RGS6: variants seen among roughly 807,000 people sequenced by gnomAD.
RGS6 encodes regulator of G protein signaling 6.
In RGS6, 30 loss-of-function variants were observed where a neutral mutation model predicts 78.5. The ratio of observed to expected loss-of-function variants is 0.38; its 90% CI spans 0.29 to 0.52. The LOEUF is 0.52. Among genes scored for constraint, RGS6 ranks in the 20% least tolerant of loss-of-function variants. The pLI, the probability that RGS6 is intolerant of heterozygous loss-of-function variation, is 0.85. For missense variants in RGS6, 495 were observed against 609.7 expected (o/e 0.81, Z 1.98); for synonymous variants, 206 against 206.0 (o/e 1.00, Z 0.00).
At chr14:71,951,142 T>A (rs1259646686) in intron 1 of RGS6, among the ~76,000 whole-genome samples, 1 of 152,074 alleles carries the variant, frequency 6.6e-6, no homozygotes, top group African/African-American at 2.4e-5. Flanking sequence ...TGATAGCAAA[T>A]ACATGGAATC....
At chr14:71,942,619 G>A (rs552355643) in intron 1 of RGS6, among the ~76,000 whole-genome samples, 1 of 152,182 alleles carries the variant, frequency 6.6e-6, no homozygotes, top group African/African-American at 2.4e-5. Flanking sequence ...ATACCAAAGG[G>A]TGTTGTTCTT....
At chr14:72,013,132 G>T (rs901747895) in intron 2 of RGS6, among the ~76,000 whole-genome samples, 4 of 151,892 alleles carry the variant, frequency 2.6e-5, no homozygotes, top group Non-Finnish European at 5.9e-5. Context: ...TTAGCTGGGT[G>T]TGGTGGTACG....
chr14:72,291,807 C>G (rs2063626041), intron 2 of RGS6, among the ~76,000 whole-genome samples: 1 of 152,132 alleles, frequency 6.6e-6, no homozygotes, highest in South Asian at 2.1e-4. Context: ...AGTATAGTTA[C>G]CGAGCGTACT....
intron 2 of RGS6, among the ~76,000 whole-genome samples, chr14:72,142,163 G>A (rs2096548990): frequency 6.6e-6 from 1 of 152,150 alleles, no homozygotes; most frequent in African/African-American, 2.4e-5. Flanking sequence ...TAAAGTATAT[G>A]TTCCTCTCCT....
At chr14:72,025,167 G>C (rs904959100) in intron 2 of RGS6, among the ~76,000 whole-genome samples, 2 of 152,100 alleles carry the variant, frequency 1.3e-5, no homozygotes, top group African/African-American at 4.8e-5. Flanking sequence ...GCTAGGACTG[G>C]ACTTAAGCAA....
chr14:72,164,275 T>C (rs976035400), intron 2 of RGS6, among the ~76,000 whole-genome samples: 2 of 152,192 alleles, frequency 1.3e-5, no homozygotes, highest in Non-Finnish European at 2.9e-5. Flanking sequence ...GTTTCAGAAC[T>C]GTACTGCTCT....
At chr14:72,233,354 G>A (rs847303) in intron 2 of RGS6, among the ~76,000 whole-genome samples, 133,423 of 152,150 alleles carry the variant, frequency 0.88, 59,334 homozygotes, top group Non-Finnish European at 0.94. Flanking sequence ...GGCCTGGAGC[G>A]TCTGTGAGTC....
rs185995843 is a variant in RGS6 at position 71,986,943 on chromosome 14, C to T, written c.84+22068C>T. Among the ~76,000 whole-genome samples, 287 of 152,236 alleles carry T rather than the reference C, an allele frequency of 1.9e-3. 1 individual carries two copies. The highest frequency in any genetic ancestry group is 2.0e-3 in the Non-Finnish European group (134 of 68,026). On this transcript the variant is annotated intron_variant, in intron 2 of 17. Coordinates refer to ENST00000553525, the MANE Select transcript of RGS6 (RefSeq NM_001204424.2). The stretch of plus-strand genomic sequence containing the variant: ...TTCTCCAACTCTGACCTTCCTTTCT[C>T]TCTCTTATAGGACCCCCGGTGATTA...
chr14:72,182,459 T>G (rs577246820), intron 2 of RGS6, among the ~76,000 whole-genome samples: 1 of 142,600 alleles, frequency 7.0e-6, no homozygotes, highest in African/African-American at 2.6e-5. Flanking sequence ...TAAGAAAGAA[T>G]AGCTTATATT....
At chr14:72,366,375 A>G (rs1444023644) in intron 3 of RGS6, among the ~76,000 whole-genome samples, 1 of 152,178 alleles carries the variant, frequency 6.6e-6, no homozygotes, top group Non-Finnish European at 1.5e-5. Context: ...AGAAGGCCAA[A>G]CACAAGAGAT....
At chr14:72,190,532 C>T (rs2097309787) in intron 2 of RGS6, among the ~76,000 whole-genome samples, 1 of 152,160 alleles carries the variant, frequency 6.6e-6, no homozygotes, top group African/African-American at 2.4e-5. Flanking sequence ...CCTTCACGGG[C>T]AGTGGAAAGT....
intron 2 of RGS6, among the ~76,000 whole-genome samples, chr14:72,132,571 G>C (rs977514388): frequency 6.6e-6 from 1 of 152,006 alleles, no homozygotes; most frequent in African/African-American, 2.4e-5. Flanking sequence ...GAGCCACCAC[G>C]CCTGGCCCCA....
intron 13 of RGS6, among the ~76,000 whole-genome samples, chr14:72,508,479 A>G (rs575768849): frequency 6.9e-6 from 1 of 143,972 alleles, no homozygotes; most frequent in East Asian, 2.1e-4. Context: ...GTTATGGGAT[A>G]TTTTCATCAT....
chr14:72,287,686 G>A (rs548680409), intron 2 of RGS6, among the ~76,000 whole-genome samples: 13 of 152,176 alleles, frequency 8.5e-5, no homozygotes, highest in Admixed American at 5.9e-4. Context: ...TCAAACTCCC[G>A]ACCTCAGGTG....
At chr14:72,287,712 C>T (rs970770128) in intron 2 of RGS6, among the ~76,000 whole-genome samples, 1 of 152,220 alleles carries the variant, frequency 6.6e-6, no homozygotes, top group African/African-American at 2.4e-5. Context: ...CCCGCCTTGG[C>T]CTCCCAAAGT....
chr14:72,539,660 C>T (rs1209707672), intron 16 of RGS6, among the ~76,000 whole-genome samples: 1 of 152,212 alleles, frequency 6.6e-6, no homozygotes, highest in Non-Finnish European at 1.5e-5. Context: ...CCACAACCAC[C>T]AGGGCTCCTG....
the RGS6 span, among the ~76,000 whole-genome samples, chr14:72,577,549 A>T: frequency 1.3e-5 from 2 of 152,106 alleles, no homozygotes; most frequent in African/African-American, 4.8e-5. Context: ...AATAGCTGAA[A>T]TGTCACCAGG....
chr14:72,530,251 A>G (rs987694361), intron 15 of RGS6, among the ~76,000 whole-genome samples: 2 of 152,202 alleles, frequency 1.3e-5, no homozygotes, highest in African/African-American at 4.8e-5. Flanking sequence ...AAGGGTCTGG[A>G]GAGGTTCCAG....
chr14:72,265,946 GGGGC>G (rs2058993064), intron 2 of RGS6, among the ~76,000 whole-genome samples: 2 of 144,894 alleles, frequency 1.4e-5, no homozygotes, highest in African/African-American at 4.9e-5. Flanking sequence ...TTTGGGGGGG[GGGGC>G]GGGAGGCAGG....
Sources: gnomAD v4.1 joint callset for allele counts (sites outside exome capture counted in the v4.1 genomes callset) on GRCh38, gnomAD v4.1.1 for gene constraint, MANE v1.5 for transcripts, NCBI Gene and HGNC (gene_info 2026-07-23, HGNC 2026-07-21) for gene names.